The following GREB1L variants were observed in gnomAD, a reference collection of about 807,000 sequenced individuals.
GREB1L encodes GREB1 like retinoic acid receptor coactivator, also known as GREB1-like protein.
A neutral mutation model predicts 200.8 loss-of-function variants in GREB1L; 17 were observed. The observed-to-expected ratio is 0.08, with a 90% CI of 0.06 to 0.13. The LOEUF is 0.13. Among genes scored for constraint, GREB1L ranks in the 10% least tolerant of loss-of-function variants. The probability of loss-of-function intolerance (pLI) is 1.00; values close to 1 mark genes in which losing one functional copy is unlikely to be tolerated. For missense variants in GREB1L, 1,657 were observed against 2,367.7 expected (o/e 0.70, Z 6.23); for synonymous variants, 789 against 893.0 (o/e 0.88, Z 2.08).
At chr18:21,282,675 T>C (rs1170064798) in intron 1 of GREB1L, among the ~76,000 whole-genome samples, 4 of 151,956 alleles carry the variant, frequency 2.6e-5, no homozygotes, top group African/African-American at 7.3e-5. Flanking sequence ...TCTCGGCTCA[T>C]TGCAACCTCC....
chr18:21,307,142 G>A (rs1273503629), intron 1 of GREB1L, among the ~76,000 whole-genome samples: 3 of 152,148 alleles, frequency 2.0e-5, no homozygotes, highest in Non-Finnish European at 4.4e-5. Flanking sequence ...TCCACTGCAC[G>A]GTAGCAATTT....
intron 10 of GREB1L, among the ~76,000 whole-genome samples, chr18:21,443,856 C>CTA (rs2034053624): frequency 6.6e-6 from 1 of 152,230 alleles, no homozygotes; most frequent in Admixed American, 6.5e-5. Context: ...AATACAGTGC[C>CTA]TACACATCAC....
chr18:21,511,844 G>A (rs1036859313), intron 27 of GREB1L, among the ~76,000 whole-genome samples: 10 of 152,164 alleles, frequency 6.6e-5, no homozygotes, highest in Non-Finnish European at 1.2e-4. Context: ...ACATGGGTCT[G>A]TGTTGCTCAG....
chr18:21,339,099 A>AT (rs1233285310), intron 1 of GREB1L, among the ~76,000 whole-genome samples: 6 of 152,018 alleles, frequency 3.9e-5, no homozygotes. Context: ...AGGCAGGAGA[A>AT]TTGCTTGAAC....
intron 1 of GREB1L, among the ~76,000 whole-genome samples, chr18:21,271,617 A>G (rs1381116557): frequency 6.7e-6 from 1 of 148,304 alleles, no homozygotes; most frequent in Non-Finnish European, 1.5e-5. Context: ...TTGCCACTGC[A>G]TTCTAGCCTG....
At chr18:21,469,385 G>A (rs911598390) in intron 15 of GREB1L, among the ~76,000 whole-genome samples, 2 of 152,114 alleles carry the variant, frequency 1.3e-5, no homozygotes, top group African/African-American at 2.4e-5. Flanking sequence ...CATTGGAGGC[G>A]CCTTCAGGCA....
Position 21,500,262 on chromosome 18 carries a change from C to T in GREB1L, c.3925C>T (p.Arg1309Ter), listed in dbSNP as rs1247904060. ...CCAGCTGGACCCGGCCTCTGGCACC[C>T]GAAACTTCCACCCCCGACGGCTCCT... ...SNQLDPASGTRNFHPRRLLLT... is the reference protein window; with the variant it reads ...SNQLDPASGT The change falls in exon 22 of 33, where the codon CGA (arginine) becomes TGA (stop). Residue 1309 changes from arginine (R) to a stop codon, truncating the protein, a stop_gained. Coordinates refer to ENST00000424526, the MANE Select transcript of GREB1L (RefSeq NM_001142966.3). LOFTEE classifies it high-confidence loss of function. 1 of 1,472,424 alleles carries T rather than the reference C, an allele frequency of 6.8e-7. No individual in the cohort carries two copies. Among genetic ancestry groups the T allele is most frequent in the Non-Finnish European group, 9.2e-7 (1 of 1,086,232 alleles). 91.2% of individuals were successfully genotyped at this position (1,472,424 alleles called of 1,614,324 possible).
At position 21,268,582 on chromosome 18, in the gene GREB1L, T is replaced by TATA. The variant is rs1237418707; in HGVS notation, c.-120+26190_-120+26192dup. Among the ~76,000 whole-genome samples, 3 of 129,886 alleles carry TATA rather than the reference T, an allele frequency of 2.3e-5. No individual in the cohort carries two copies. In the East Asian group the frequency reaches 6.3e-4, roughly 27 times the overall value. The allele number at this position is 129,886 out of a possible 152,430, so 85.2% of individuals were successfully genotyped here. ...ACACATATATATATATATATATATA[T>TATA]ATATATATATACATGTATATATATA... On this transcript the variant is annotated intron_variant, in intron 1 of 32. Transcript: ENST00000424526.
At chr18:21,407,316 G>A (rs766740876) in intron 7 of GREB1L, among the ~76,000 whole-genome samples, 2 of 152,092 alleles carry the variant, frequency 1.3e-5, no homozygotes, top group East Asian at 1.9e-4. Flanking sequence ...ATGTTTAATC[G>A]GGACGAGAAT....
intron 7 of GREB1L, among the ~76,000 whole-genome samples, chr18:21,417,392 T>C (rs1371295145): frequency 1.3e-5 from 2 of 151,968 alleles, no homozygotes; most frequent in Non-Finnish European, 2.9e-5. Context: ...GGCATGGTGA[T>C]GTGGGCCTGT....
At chr18:21,481,750 T>A (rs113819013) in intron 17 of GREB1L, among the ~76,000 whole-genome samples, 29 of 152,154 alleles carry the variant, frequency 1.9e-4, no homozygotes, top group Non-Finnish European at 8.8e-5. Context: ...GTATGTACTC[T>A]CTTGTATCTG....
chr18:21,320,590 C>T (rs1404125190), intron 1 of GREB1L, among the ~76,000 whole-genome samples: 4 of 151,794 alleles, frequency 2.6e-5, no homozygotes, highest in African/African-American at 4.8e-5. Flanking sequence ...AGTGAAACCC[C>T]GTCTCTAGTA....
intron 18 of GREB1L, among the ~76,000 whole-genome samples, chr18:21,489,719 GGT>G (rs2036256835): frequency 6.6e-6 from 1 of 152,160 alleles, no homozygotes; most frequent in Non-Finnish European, 1.5e-5. Context: ...CAAGCTCCCA[GGT>G]GCTGCTGCTG....
At position 21,444,391 on chromosome 18, in the gene GREB1L, C is replaced by G. The variant is rs1287078297; in HGVS notation, c.1375C>G (p.Gln459Glu). Residue 459 changes from glutamine to glutamate, a missense_variant, in exon 11 of 33, where the codon CAG (glutamine) becomes GAG (glutamate). This residue lies in a region of GREB1L where 289 missense variants were observed against 345.1 expected (regional missense o/e 0.84). Coordinates refer to ENST00000424526, the MANE Select transcript of GREB1L (RefSeq NM_001142966.3). Reference sequence around the variant, plus strand: ...GGAAAACATGATTCTTCTGACGATACAGTATCTTGTGCGGCTGGGTAAGTC... The same window carrying G: ...GGAAAACATGATTCTTCTGACGATAGAGTATCTTGTGCGGCTGGGTAAGTC... The part of the protein sequence containing the change: ...SVENMILLTI[Q>E]YLVRLGPDQV... The G allele has an allele frequency of 6.4e-7, 1 of 1,552,206 alleles. No homozygotes were observed. Among genetic ancestry groups the G allele is most frequent in the Admixed American group, 2.0e-5 (1 of 51,006 alleles).
At chr18:21,301,356 G>C (rs1371081007) in intron 1 of GREB1L, among the ~76,000 whole-genome samples, 2 of 152,148 alleles carry the variant, frequency 1.3e-5, no homozygotes, top group East Asian at 3.9e-4. Context: ...CCTCCCAGAG[G>C]CTGTCTTTTG....
chr18:21,283,032 C>G (rs555392581), intron 1 of GREB1L, among the ~76,000 whole-genome samples: 80 of 152,310 alleles, frequency 5.3e-4, no homozygotes, highest in African/African-American at 1.9e-3. Context: ...GTAATGCATA[C>G]TTTTATGCAT....
At chr18:21,398,194 T>A (rs2041166397) in intron 5 of GREB1L, among the ~76,000 whole-genome samples, 1 of 152,206 alleles carries the variant, frequency 6.6e-6, no homozygotes, top group Non-Finnish European at 1.5e-5. Context: ...GACCATGTGC[T>A]TTAGAATCAG....
chr18:21,446,750 A>G (rs533873166), intron 11 of GREB1L, among the ~76,000 whole-genome samples: 4 of 152,378 alleles, frequency 2.6e-5, no homozygotes, highest in African/African-American at 9.6e-5. Flanking sequence ...CATTTAAAAA[A>G]ATAAATCTAA....
chr18:21,463,499 T>G (rs1035728156), intron 15 of GREB1L, among the ~76,000 whole-genome samples: 2 of 152,124 alleles, frequency 1.3e-5, no homozygotes, highest in Admixed American at 1.3e-4. Context: ...ACTTCAAATG[T>G]GAAATGGGAA....
Sources: allele counts gnomAD v4.1 joint callset (sites outside exome capture counted in the v4.1 genomes callset), GRCh38; gene constraint gnomAD v4.1.1; regional missense constraint gnomAD v4.1.1; transcripts MANE v1.5; gene names NCBI Gene and HGNC (gene_info 2026-07-23, HGNC 2026-07-21).